The following TNFSF12 variants were observed in gnomAD, a reference collection of about 807,000 sequenced individuals.
TNFSF12 encodes TNF superfamily member 12.
TNFSF12 carries 16 observed loss-of-function variants against 31.2 expected under a neutral mutation model. That is an observed-to-expected ratio of 0.51 (90% CI 0.35 to 0.78). The LOEUF is 0.78. Among genes scored for constraint, TNFSF12 ranks in the 30% least tolerant of loss-of-function variants. The pLI, the probability that TNFSF12 is intolerant of heterozygous loss-of-function variation, is 0.01. For missense variants in TNFSF12, 324 were observed against 338.8 expected (o/e 0.96, Z 0.34); for synonymous variants, 150 against 151.4 (o/e 0.99, Z 0.07).
At chr17:7,553,924 G>A in intron 5 of TNFSF12, 1 of 1,005,236 alleles carries the variant, frequency 9.9e-7, no homozygotes, top group Non-Finnish European at 1.2e-6. Flanking sequence ...GAGATTTGAG[G>A]AGAAATGGTA....
Position 7,557,347 on chromosome 17 carries a change from C to T in TNFSF12, c.747C>T (p.His249=). The change falls in exon 7 of 7, where the codon CAC becomes CAT. Residue 249 remains histidine, a synonymous_variant. Coordinates refer to ENST00000293825, the MANE Select transcript of TNFSF12 (RefSeq NM_003809.3). This position sits in a 1 kb window ranked among gnomAD's most constrained non-coding sequence, Gnocchi z 5.2. ...FLTYFGLFQV[H] ...CCTACTTCGGACTCTTCCAGGTTCA[C>T]TGAGGGGCCCTGGTCTCCCCGCAGT... 6.3e-7 allele frequency: 1 copy of T among 1,590,392 alleles called. No homozygotes were observed.
chr17:7,556,785 C>T lies in TNFSF12; in HGVS notation c.381C>T (p.Asp127=), dbSNP rs576803878. 63 of 1,528,376 alleles carry T rather than the reference C, an allele frequency of 4.1e-5. No homozygotes were observed. In the South Asian group the frequency reaches 5.1e-4, roughly 12 times the overall value. 94.7% of individuals were successfully genotyped at this position (1,528,376 alleles called of 1,614,324 possible). The stretch of plus-strand genomic sequence containing the variant: ...CTGAGCATCCGTGTTCAGGTGTGGA[C>T]GGGACAGTGAGTGGCTGGGAGGAAG... ...PGQDGAQAGV[D]GTVSGWEEAR... is the part of the protein sequence containing the mutation. The change falls in exon 6 of 7, where the codon GAC becomes GAT. Residue 127 remains aspartate (D), a synonymous_variant. Coordinates refer to ENST00000293825, the MANE Select transcript of TNFSF12 (RefSeq NM_003809.3).
intron 5 of TNFSF12, among the ~76,000 whole-genome samples, chr17:7,555,405 A>G (rs2071049546): frequency 1.3e-5 from 2 of 152,166 alleles, no homozygotes; most frequent in South Asian, 4.1e-4. Context: ...GGGGGACTCT[A>G]AGTTCAGCGT....
rs769062144 is a variant in TNFSF12 at position 7,557,357 on chromosome 17, C to G, written c.*7C>G. On this transcript the variant is annotated 3_prime_UTR_variant, in exon 7 of 7. Coordinates refer to ENST00000293825, the MANE Select transcript of TNFSF12 (RefSeq NM_003809.3). This position sits in a 1 kb window ranked among gnomAD's most constrained non-coding sequence, Gnocchi z 5.2. Reference sequence around the variant, plus strand: ...ACTCTTCCAGGTTCACTGAGGGGCCCTGGTCTCCCCGCAGTCGTCCCAGGC... The same window carrying G: ...ACTCTTCCAGGTTCACTGAGGGGCCGTGGTCTCCCCGCAGTCGTCCCAGGC... 1 of 1,581,558 alleles carries G rather than the reference C, an allele frequency of 6.3e-7. No individual in the cohort carries two copies. Among genetic ancestry groups the G allele is most frequent in the South Asian group, 1.1e-5 (1 of 87,626 alleles).
intron 6 of TNFSF12, 36 bp downstream of exon 6, chr17:7,556,938 G>A (rs771974414): frequency 1.3e-6 from 2 of 1,527,092 alleles, no homozygotes; most frequent in Non-Finnish European, 8.8e-7. Flanking sequence ...AACGCAGTAA[G>A]AGAGTGGCGA....
rs59248137 is a variant in TNFSF12 at position 7,555,973 on chromosome 17, G to GTT, written c.374-798_374-797dup. The stretch of plus-strand genomic sequence containing the variant: ...GTGGAAATAAAAATGCCCAGTGAGC[G>GTT]TTTTTTTTGTTTTTTTTTTTTTTTG... On this transcript the variant is annotated intron_variant, in intron 5 of 6. Transcript: ENST00000293825. 2.4e-3 allele frequency among the ~76,000 whole-genome samples: 173 copies of GTT among 70,790 alleles called. 3 individuals are homozygous for GTT. The highest frequency in any genetic ancestry group is 3.5e-3 in the East Asian group (8 of 2,292). The allele number at this position is 70,790 out of a possible 152,430, so 46.4% of individuals were successfully genotyped here. A position where few individuals can be genotyped will look rare whatever the true frequency, so the allele number is the denominator to read the frequency against.
chr17:7,553,846 G>C lies in TNFSF12; in HGVS notation c.373+2868G>C, dbSNP rs1393169015. 8 of 1,107,614 alleles carry C rather than the reference G, an allele frequency of 7.2e-6. No individual in the cohort carries two copies. The East Asian group carries it at 2.5e-4, about 35-fold the overall frequency. 68.6% of individuals were successfully genotyped at this position (1,107,614 alleles called of 1,614,324 possible). On this transcript the variant is annotated intron_variant, in intron 5 of 6. Transcript: ENST00000293825. ...ACCAGGTGGGTTTGTAGATTTGCTG[G>C]GGGGAGATGAGGGAACCTTTGCTCG...
chr17:7,556,143 G>A (rs768197373), intron 5 of TNFSF12, among the ~76,000 whole-genome samples: 10 of 151,856 alleles, frequency 6.6e-5, no homozygotes, highest in Non-Finnish European at 1.3e-4. Flanking sequence ...ACCATGCCCT[G>A]CTAGTTTTTG....
rs2071088243 is a variant in TNFSF12, at chr17:7,557,467, C to G, written c.*117C>G. 4.4e-6 allele frequency: 6 copies of G among 1,369,720 alleles called. No individual in the cohort carries two copies. In the African/African-American group the frequency reaches 7.3e-5, roughly 17 times the overall value. The allele number at this position is 1,369,720 out of a possible 1,614,324, so 84.8% of individuals were successfully genotyped here. On this transcript the variant is annotated 3_prime_UTR_variant, in exon 7 of 7. Transcript: ENST00000293825. The surrounding 1 kb of genome is among the most constrained non-coding windows in gnomAD (Gnocchi z 5.2). ...CTCTTTGCTCCAGACCTGCCCCTCC[C>G]TCTAGAGGCTGCCTGGGCCTGTTCA...
chr17:7,557,025 G>C lies in TNFSF12; in HGVS notation c.499-74G>C. ...GGGGTTTGGGTGGGATGGGATGCCT[G>C]CGTCGCTGAGGAAATTGGAAATTGA... On this transcript the variant is annotated intron_variant, in intron 6 of 6. Transcript: ENST00000293825. This position sits in a 1 kb window ranked among gnomAD's most constrained non-coding sequence, Gnocchi z 5.2. 6.5e-7 allele frequency: 1 copy of C among 1,546,756 alleles called. No individual in the cohort carries two copies. The highest frequency in any genetic ancestry group is 2.3e-5 in the East Asian group (1 of 43,996).
At chr17:7,556,556 C>T (rs771556713) in intron 5 of TNFSF12, among the ~76,000 whole-genome samples, 1 of 152,206 alleles carries the variant, frequency 6.6e-6, no homozygotes, top group Non-Finnish European at 1.5e-5. Context: ...CTGCAGGTGA[C>T]AATCTGCCCT....
intron 5 of TNFSF12, 116 bp from the exon 6 acceptor site, chr17:7,556,662 C>G: frequency 4.5e-6 from 6 of 1,345,336 alleles, no homozygotes; most frequent in Non-Finnish European, 5.8e-6. Context: ...CCGGGGTGAT[C>G]TATGTGTCTT....
At chr17:7,552,174 G>C (rs965433405) in intron 5 of TNFSF12, among the ~76,000 whole-genome samples, 2 of 152,212 alleles carry the variant, frequency 1.3e-5, no homozygotes, top group African/African-American at 4.8e-5. Context: ...AGGTTGGGAA[G>C]TATGTAAGAT....
intron 5 of TNFSF12, chr17:7,553,503 C>A (rs899116052): frequency 7.7e-5 from 43 of 560,664 alleles, no homozygotes; most frequent in Non-Finnish European, 1.3e-4. Flanking sequence ...GAGATAGGCA[C>A]TGTGTCTGGC....
chr17:7,551,664 T>C (rs946083362), intron 5 of TNFSF12, among the ~76,000 whole-genome samples: 7 of 152,164 alleles, frequency 4.6e-5, no homozygotes, highest in African/African-American at 1.2e-4. Context: ...TGAGGAGTGC[T>C]CAGCCGAGGG....
In TNFSF12 at chr17:7,549,638, G is replaced by A; in HGVS notation, c.207+117G>A. 1 of 1,392,932 alleles carries A rather than the reference G, an allele frequency of 7.2e-7. No homozygotes were observed. Among genetic ancestry groups the A allele is most frequent in the Non-Finnish European group, 9.5e-7 (1 of 1,055,640 alleles). 86.3% of individuals were successfully genotyped at this position (1,392,932 alleles called of 1,614,324 possible). Reference sequence around the variant, plus strand: ...CTCGAGGTGTGTGCAGGGTGTGTGTGAACACAGTGCGTGCATGGGTGCGTG... The same window carrying A: ...CTCGAGGTGTGTGCAGGGTGTGTGTAAACACAGTGCGTGCATGGGTGCGTG... On this transcript the variant is annotated intron_variant, in intron 2 of 6. Transcript: ENST00000293825. This position sits in a 1 kb window ranked among gnomAD's most constrained non-coding sequence, Gnocchi z 4.1.
At chr17:7,554,308 T>G (rs1398824411) in intron 5 of TNFSF12, among the ~76,000 whole-genome samples, 16 of 15,452 alleles carry the variant, frequency 1.0e-3, no homozygotes, top group African/African-American at 2.0e-3. Flanking sequence ...ATCCAGACTC[T>G]TTTTTTTTTT....
chr17:7,557,475 G>GGAGGGGCAGGT lies in TNFSF12; in HGVS notation c.*125_*126insGAGGGGCAGGT. The GGAGGGGCAGGT allele has an allele frequency of 7.6e-7, 1 of 1,324,264 alleles. No individual in the cohort carries two copies. The highest frequency in any genetic ancestry group is 1.0e-6 in the Non-Finnish European group (1 of 990,400). 82.0% of individuals were successfully genotyped at this position (1,324,264 alleles called of 1,614,324 possible). A position where few individuals can be genotyped will look rare whatever the true frequency, so the allele number is the denominator to read the frequency against. On this transcript the variant is annotated 3_prime_UTR_variant, in exon 7 of 7. Coordinates refer to ENST00000293825, the MANE Select transcript of TNFSF12 (RefSeq NM_003809.3). This position sits in a 1 kb window ranked among gnomAD's most constrained non-coding sequence, Gnocchi z 5.2. ...TCCAGACCTGCCCCTCCCTCTAGAGGCTGCCTGGGCCTGTTCACGTGTTTT... is the reference window on the plus strand; with the variant it reads ...TCCAGACCTGCCCCTCCCTCTAGAGGGAGGGGCAGGTCTGCCTGGGCCTGTTCACGTGTTTT...
chr17:7,549,788 G>A lies in TNFSF12; in HGVS notation c.207+267G>A, dbSNP rs982804169. On this transcript the variant is annotated intron_variant, in intron 2 of 6. Coordinates refer to ENST00000293825, the MANE Select transcript of TNFSF12 (RefSeq NM_003809.3). The surrounding 1 kb of genome is among the most constrained non-coding windows in gnomAD (Gnocchi z 4.1). ...GGTTGTATAAGATATGTGAGTCTGC[G>A]TGGAAGAGGGGTGCGGTTGTGTACA... 47 of 606,594 alleles carry A rather than the reference G, an allele frequency of 7.7e-5. No individual in the cohort carries two copies. The highest frequency in any genetic ancestry group is 1.1e-4 in the Non-Finnish European group (40 of 353,798). The allele number at this position is 606,594 out of a possible 1,614,324, so 37.6% of individuals were successfully genotyped here.
Sources: allele counts gnomAD v4.1 joint callset (sites outside exome capture counted in the v4.1 genomes callset), GRCh38; gene constraint gnomAD v4.1.1; non-coding constraint Gnocchi (gnomAD v3.1); transcripts MANE v1.5; gene names NCBI Gene and HGNC (gene_info 2026-07-23, HGNC 2026-07-21).